The following PHACTR1 variants were observed in gnomAD, a reference collection of about 807,000 sequenced individuals.
PHACTR1 encodes RPEL repeat containing 1.
PHACTR1 carries 16 observed loss-of-function variants against 69.2 expected under a neutral mutation model. The observed-to-expected ratio is 0.23, with a 90% confidence interval of 0.16 to 0.35. PHACTR1 has a LOEUF of 0.35. PHACTR1 is among the 10% of genes least tolerant of loss of function. The probability of loss-of-function intolerance (pLI) is 1.00; values close to 1 mark genes in which losing one functional copy is unlikely to be tolerated. For synonymous variants in PHACTR1, 312 were observed against 284.5 expected (o/e 1.10, Z -0.97); for missense variants, 510 against 734.7 (o/e 0.69, Z 3.54).
At chr6:13,133,373 C>T (rs918046562) in intron 5 of PHACTR1, among the ~76,000 whole-genome samples, 2 of 151,648 alleles carry the variant, frequency 1.3e-5, no homozygotes, top group Admixed American at 6.6e-5. Context: ...GCCGCCATCT[C>T]GGCTCACTGC....
At chr6:13,093,573 C>T (rs571662126) in intron 5 of PHACTR1, among the ~76,000 whole-genome samples, 20 of 152,262 alleles carry the variant, frequency 1.3e-4, no homozygotes, top group Middle Eastern at 3.4e-3. Flanking sequence ...TTATACCCTC[C>T]GCACTAACAT....
chr6:12,976,117 G>A (rs1014783612), intron 4 of PHACTR1, among the ~76,000 whole-genome samples: 4 of 152,178 alleles, frequency 2.6e-5, no homozygotes, highest in African/African-American at 9.7e-5. Flanking sequence ...GGGGGAGGGG[G>A]TGATGGAAGG....
chr6:13,068,795 G>A lies in PHACTR1; in HGVS notation c.415+15266G>A, dbSNP rs963736735. Among the ~76,000 whole-genome samples the A allele has an allele frequency of 3.3e-5, 5 of 152,300 alleles. No homozygotes were observed. In the East Asian group the frequency reaches 5.8e-4, roughly 18 times the overall value. On this transcript the variant is annotated intron_variant, in intron 5 of 14. Coordinates refer to ENST00000332995, the MANE Select transcript of PHACTR1 (RefSeq NM_030948.6). ...GTCACGGGCAGAAATATGCACGATAGAGGAAGAGATGTTCTTGGGAGGGAA... is the reference window on the plus strand; with the variant it reads ...GTCACGGGCAGAAATATGCACGATAAAGGAAGAGATGTTCTTGGGAGGGAA...
intron 5 of PHACTR1, among the ~76,000 whole-genome samples, chr6:13,081,111 C>T (rs1212180689): frequency 6.6e-6 from 1 of 152,162 alleles, no homozygotes. Flanking sequence ...AAGTGTCAGT[C>T]TTTTCATGTA....
In PHACTR1 at chr6:13,226,109, T is replaced by G. The variant is rs185970487; in HGVS notation, c.987-1707T>G. Among the ~76,000 whole-genome samples, 32 of 152,368 alleles carry G rather than the reference T, an allele frequency of 2.1e-4. 1 individual carries two copies. The highest frequency in any genetic ancestry group is 4.1e-4 in the Non-Finnish European group (28 of 68,032). On this transcript the variant is annotated intron_variant, in intron 8 of 14. Transcript: ENST00000332995. ...ATAAACCACTAATAAGATGCTGCAT[T>G]TTGTAAATACGTGATTTAATCCTAT...
In PHACTR1 at chr6:13,045,530, C is replaced by T. The variant is rs530505987; in HGVS notation, c.251-7835C>T. On this transcript the variant is annotated intron_variant, in intron 4 of 14. Transcript: ENST00000332995. ...GGCCTCTTTCTGATACAGTGGCCTA[C>T]GATTCCAAAACCAGTAGAGCCACCC... 4.6e-5 allele frequency among the ~76,000 whole-genome samples: 7 copies of T among 152,310 alleles called. No individual in the cohort carries two copies. In the East Asian group the frequency reaches 1.3e-3, roughly 29 times the overall value.
intron 7 of PHACTR1, among the ~76,000 whole-genome samples, chr6:13,191,643 G>A (rs1259039682): frequency 6.6e-6 from 1 of 152,196 alleles, no homozygotes; most frequent in Non-Finnish European, 1.5e-5. Flanking sequence ...CCTGATAGAG[G>A]AAGTCTGGCT....
At chr6:12,763,913 A>G (rs927581158) in intron 4 of PHACTR1, among the ~76,000 whole-genome samples, 6 of 95,744 alleles carry the variant, frequency 6.3e-5, no homozygotes, top group Admixed American at 2.1e-4. Context: ...AAAACATATT[A>G]TTAATTAATA....
At chr6:12,763,914 TTAATTAA>T (rs1220901964) in intron 4 of PHACTR1, among the ~76,000 whole-genome samples, 3 of 95,670 alleles carry the variant, frequency 3.1e-5, no homozygotes, top group Non-Finnish European at 8.4e-5. Flanking sequence ...AAACATATTA[TTAATTAA>T]TAATTAATAA....
intron 4 of PHACTR1, among the ~76,000 whole-genome samples, chr6:12,867,174 T>C (rs565917592): frequency 6.6e-6 from 1 of 152,268 alleles, no homozygotes; most frequent in East Asian, 1.9e-4. Context: ...TGGGTATTTG[T>C]ACTGGTCTCT....
At chr6:13,171,757 C>T (rs1461002329) in intron 6 of PHACTR1, among the ~76,000 whole-genome samples, 1 of 152,116 alleles carries the variant, frequency 6.6e-6, no homozygotes, top group Non-Finnish European at 1.5e-5. Context: ...TAACTTCCCT[C>T]CCCCAGCTCT....
At position 12,982,236 on chromosome 6, in the gene PHACTR1, C is replaced by G. The variant is rs6916230; in HGVS notation, c.251-71129C>G. On this transcript the variant is annotated intron_variant, in intron 4 of 14. Coordinates refer to ENST00000332995, the MANE Select transcript of PHACTR1 (RefSeq NM_030948.6). ...CCTCCTGGCAGCTCTCTGCAGCTCC[C>G]GACAACCCCTAATAGTCCTCTAGCT... is the stretch of plus-strand genomic sequence containing the variant. Among the ~76,000 whole-genome samples the G allele has an allele frequency of 3.3e-5, 5 of 152,288 alleles. No individual in the cohort carries two copies. In the East Asian group the frequency reaches 5.8e-4, roughly 18 times the overall value.
At chr6:13,177,897 A>G (rs1295693095) in intron 6 of PHACTR1, among the ~76,000 whole-genome samples, 2 of 152,154 alleles carry the variant, frequency 1.3e-5, no homozygotes, top group Admixed American at 1.3e-4. Context: ...CGGGGGTTGG[A>G]GGTTTCTGGT....
At chr6:13,200,948 A>AG (rs112790282) in intron 7 of PHACTR1, among the ~76,000 whole-genome samples, 4,181 of 151,532 alleles carry the variant, frequency 0.028, 215 homozygotes, top group African/African-American at 0.094. Context: ...TGTCTCAAAA[A>AG]AAAAAAAAAA....
At chr6:12,755,209 A>T (rs9283913) in intron 4 of PHACTR1, among the ~76,000 whole-genome samples, 10 of 152,048 alleles carry the variant, frequency 6.6e-5, no homozygotes, top group African/African-American at 2.4e-4. Context: ...ATATATGTCT[A>T]TATAATTTAA....
chr6:13,248,130 C>T (rs1202842107), intron 10 of PHACTR1, among the ~76,000 whole-genome samples: 1 of 152,188 alleles, frequency 6.6e-6, no homozygotes, highest in East Asian at 1.9e-4. Context: ...AGCCTTGGCC[C>T]TCGTTGTGGT....
chr6:12,767,923 T>C (rs1162213578), intron 4 of PHACTR1, among the ~76,000 whole-genome samples: 1 of 152,194 alleles, frequency 6.6e-6, no homozygotes, highest in African/African-American at 2.4e-5. Context: ...TAGTGGTACT[T>C]GGCTTAAATA....
chr6:12,929,943 CA>C (rs1279191113), intron 4 of PHACTR1, among the ~76,000 whole-genome samples: 2 of 152,064 alleles, frequency 1.3e-5, no homozygotes, highest in Non-Finnish European at 2.9e-5. Flanking sequence ...CTATTGTCTA[CA>C]GAATTTTTTT....
At chr6:13,280,920 T>C (rs368067675) in intron 12 of PHACTR1, 11 of 1,280,094 alleles carry the variant, frequency 8.6e-6, no homozygotes, top group African/African-American at 4.6e-5. Context: ...GTCAGGGACA[T>C]GAGCCCATGC....
Sources: allele counts gnomAD v4.1 joint callset (sites outside exome capture counted in the v4.1 genomes callset), GRCh38; gene constraint gnomAD v4.1.1; transcripts MANE v1.5; gene names NCBI Gene and HGNC (gene_info 2026-07-23, HGNC 2026-07-21).